Variants in SLC5A4 observed in about 807,000 individuals in gnomAD.
SLC5A4 encodes the protein probable glucose sensor protein SLC5A4.
SLC5A4 carries 55 observed loss-of-function variants against 70.3 expected under a neutral mutation model. The observed-to-expected ratio is 0.78, with a 90% CI of 0.63 to 0.98. The LOEUF is 0.98. Among genes scored for constraint, SLC5A4 ranks in the 50% least tolerant of loss-of-function variants. SLC5A4 has a pLI of 0.00. For missense variants in SLC5A4, 735 were observed against 839.2 expected (o/e 0.88, Z 1.53); for synonymous variants, 268 against 305.7 (o/e 0.88, Z 1.29).
the SLC5A4 span, among the ~76,000 whole-genome samples, chr22:32,340,212 T>C: frequency 6.6e-6 from 1 of 152,298 alleles, no homozygotes; most frequent in East Asian, 1.9e-4. Context: ...GGAGGCTAAA[T>C]GGCACAATTT....
the SLC5A4 span, among the ~76,000 whole-genome samples, chr22:32,291,206 CTTT>C: frequency 5.4e-5 from 7 of 128,786 alleles, no homozygotes; most frequent in African/African-American, 8.7e-5. Context: ...TTTGACTGTT[CTTT>C]TTTTTTTTTT....
the SLC5A4 span, chr22:32,271,922 ACACTGTG>A: frequency 1.7e-6 from 1 of 576,902 alleles, no homozygotes; most frequent in South Asian, 1.6e-5. Flanking sequence ...CAGCACCAAC[ACACTGTG>A]CACCTGCATC....
At chr22:32,256,114 C>T (rs1266088104), upstream of SLC5A4, among the ~76,000 whole-genome samples, 3 of 152,212 alleles carry the variant, frequency 2.0e-5, no homozygotes, top group African/African-American at 7.2e-5. Context: ...GCCAGGAGTT[C>T]AAGACCAGCT....
At chr22:32,229,865 C>T (rs1205231157) in intron 10 of SLC5A4, among the ~76,000 whole-genome samples, 2 of 152,078 alleles carry the variant, frequency 1.3e-5, no homozygotes, top group Non-Finnish European at 2.9e-5. Context: ...GAATTTTAGT[C>T]CTAAACATGA....
At chr22:32,346,784 A>G in the SLC5A4 span, among the ~76,000 whole-genome samples, 5 of 147,550 alleles carry the variant, frequency 3.4e-5, no homozygotes, top group Non-Finnish European at 7.4e-5. Flanking sequence ...CATTCAGGAC[A>G]TAGGCATGGG....
At chr22:32,328,364 T>C in the SLC5A4 span, among the ~76,000 whole-genome samples, 1 of 151,992 alleles carries the variant, frequency 6.6e-6, no homozygotes, top group Non-Finnish European at 1.5e-5. Flanking sequence ...TTGTAACAAA[T>C]GGATAGAATA....
chr22:32,264,428 C>T, the SLC5A4 span, among the ~76,000 whole-genome samples: 15 of 151,814 alleles, frequency 9.9e-5, no homozygotes, highest in African/African-American at 3.6e-4. Context: ...AGAAAAAGTT[C>T]GTTGGGCATG....
At chr22:32,325,192 C>T in the SLC5A4 span, among the ~76,000 whole-genome samples, 13 of 152,236 alleles carry the variant, frequency 8.5e-5, no homozygotes, top group Non-Finnish European at 1.2e-4. Context: ...AAAACTGTGG[C>T]GCCTTCGCCA....
the SLC5A4 span, among the ~76,000 whole-genome samples, chr22:32,295,123 A>T: frequency 1.9e-5 from 2 of 108,102 alleles, 1 homozygote; most frequent in South Asian, 6.1e-4. Context: ...CACAATAAAC[A>T]TACATGTGCA....
chr22:32,322,828 T>G, the SLC5A4 span, among the ~76,000 whole-genome samples: 1 of 152,170 alleles, frequency 6.6e-6, no homozygotes. Flanking sequence ...TAGAAATATA[T>G]GTACCAAAAT....
chr22:32,325,104 C>G, the SLC5A4 span, among the ~76,000 whole-genome samples: 25,154 of 152,222 alleles, frequency 0.17, 2,179 homozygotes, highest in East Asian at 0.3. Flanking sequence ...TCCCGTAGAC[C>G]CCGAGGCCCA....
chr22:32,352,324 G>T, the SLC5A4 span, among the ~76,000 whole-genome samples: 1 of 150,700 alleles, frequency 6.6e-6, no homozygotes, highest in Non-Finnish European at 1.5e-5. Flanking sequence ...TGCAAATGAC[G>T]AGTTAATGGG....
At chr22:32,294,089 G>A in the SLC5A4 span, among the ~76,000 whole-genome samples, 1 of 149,120 alleles carries the variant, frequency 6.7e-6, no homozygotes, top group African/African-American at 2.5e-5. Context: ...TCTTGAATTT[G>A]TGGCTTGATG....
the SLC5A4 span, among the ~76,000 whole-genome samples, chr22:32,321,406 C>A: frequency 9.9e-5 from 15 of 152,146 alleles, no homozygotes; most frequent in African/African-American, 2.9e-4. Context: ...GAGCTGAGAT[C>A]GCGCCACTGC....
chr22:32,330,140 G>A, the SLC5A4 span, among the ~76,000 whole-genome samples: 974 of 133,798 alleles, frequency 7.3e-3, 31 homozygotes, highest in African/African-American at 0.026. Flanking sequence ...TGTCAGGGGG[G>A]CTCTGTGCGT....
the SLC5A4 span, among the ~76,000 whole-genome samples, chr22:32,286,665 A>C: frequency 6.6e-6 from 1 of 152,190 alleles, no homozygotes; most frequent in African/African-American, 2.4e-5. Flanking sequence ...AGGCTGGGGC[A>C]TGGCAGTCTG....
At chr22:32,220,363 A>C (rs1925005475) in intron 14 of SLC5A4, among the ~76,000 whole-genome samples, 1 of 152,226 alleles carries the variant, frequency 6.6e-6, no homozygotes, top group South Asian at 2.1e-4. Flanking sequence ...TGAAGTGCTA[A>C]ACCTTATCTG....
chr22:32,306,097 T>C, the SLC5A4 span, among the ~76,000 whole-genome samples: 6 of 152,232 alleles, frequency 3.9e-5, no homozygotes, highest in East Asian at 1.9e-4. Context: ...TTTTGAAACA[T>C]TGAAGCAAAC....
chr22:32,283,059 C>G, the SLC5A4 span, among the ~76,000 whole-genome samples: 1,403 of 152,338 alleles, frequency 9.2e-3, 8 homozygotes, highest in Middle Eastern at 0.014. Flanking sequence ...AGCCAGCGTC[C>G]CTCCTGGATT....
Sources: gnomAD v4.1 joint callset for allele counts (sites outside exome capture counted in the v4.1 genomes callset) on GRCh38, gnomAD v4.1.1 for gene constraint, MANE v1.5 for transcripts, NCBI Gene and HGNC (gene_info 2026-07-23, HGNC 2026-07-21) for gene names.